Variants in ZNF385B observed in about 807,000 individuals in gnomAD.
ZNF385B encodes the protein zinc finger protein 533.
In ZNF385B, 23 loss-of-function variants were observed where a neutral mutation model predicts 39.2. That is an observed-to-expected ratio of 0.59 (90% CI 0.42 to 0.83). The LOEUF is 0.83. ZNF385B is among the 40% of genes least tolerant of loss of function. ZNF385B has a pLI of 0.00. For missense variants in ZNF385B, 552 were observed against 598.9 expected, an observed-to-expected ratio of 0.92 and a Z score of 0.82; for synonymous variants, 205 against 222.6, an observed-to-expected ratio of 0.92 and a Z score of 0.70.
intron 1 of ZNF385B, chr2:179,860,781 C>T: frequency 4.3e-6 from 2 of 462,986 alleles, no homozygotes; most frequent in Admixed American, 4.7e-5. Context: ...CGTCCTTTCC[C>T]CTCTCCATCC....
At position 179,442,415 on chromosome 2, in the gene ZNF385B, C is replaced by T. The variant is rs2049054543; in HGVS notation, c.*835G>A. On this transcript the variant is annotated 3_prime_UTR_variant, in exon 10 of 10. Coordinates refer to ENST00000410066, the MANE Select transcript of ZNF385B (RefSeq NM_152520.6). ...CTCTTTTTCTGTTTGTATACGTTTG[C>T]TTAGCAACACAAACCAGTGAGGAAG... 3 of 152,542 alleles carry T rather than the reference C, an allele frequency of 2.0e-5. No homozygotes were observed. Among genetic ancestry groups the T allele is most frequent in the Admixed American group, 2.0e-4 (3 of 15,278 alleles). The allele number at this position is 152,542 out of a possible 1,614,324, so 9.4% of individuals were successfully genotyped here.
chr2:179,638,609 A>G (rs147278169), intron 3 of ZNF385B, among the ~76,000 whole-genome samples: 71 of 152,300 alleles, frequency 4.7e-4, no homozygotes, highest in African/African-American at 1.7e-3. Context: ...CCATATGGCT[A>G]TAATACTGCT....
At chr2:179,542,267 G>A (rs1262653938) in intron 4 of ZNF385B, among the ~76,000 whole-genome samples, 1 of 152,140 alleles carries the variant, frequency 6.6e-6, no homozygotes, top group Non-Finnish European at 1.5e-5. Context: ...TTTATTTCCT[G>A]CAAGATGATA....
intron 1 of ZNF385B, among the ~76,000 whole-genome samples, chr2:179,801,103 T>C (rs1377121909): frequency 6.6e-6 from 1 of 152,074 alleles, no homozygotes; most frequent in Non-Finnish European, 1.5e-5. Context: ...GTCTATTTCT[T>C]GCTAGGTGCT....
At chr2:179,767,210 C>G (rs908561937) in intron 3 of ZNF385B, among the ~76,000 whole-genome samples, 15 of 152,162 alleles carry the variant, frequency 9.9e-5, no homozygotes, top group African/African-American at 3.6e-4. Context: ...TCTGGGGGAT[C>G]CCTTCATCCA....
intron 4 of ZNF385B, 104 bp downstream of exon 4, chr2:179,544,723 C>T (rs749355865): frequency 3.5e-6 from 5 of 1,442,860 alleles, no homozygotes; most frequent in Non-Finnish European, 3.9e-6. Flanking sequence ...AATATATGGT[C>T]TAAAATTACA....
At chr2:179,708,692 G>A (rs1699791434) in intron 3 of ZNF385B, among the ~76,000 whole-genome samples, 1 of 152,220 alleles carries the variant, frequency 6.6e-6, no homozygotes, top group South Asian at 2.1e-4. Flanking sequence ...TTAGGATGGT[G>A]AAGCATGGGA....
At chr2:179,717,898 A>G (rs1234739662) in intron 3 of ZNF385B, among the ~76,000 whole-genome samples, 1 of 139,320 alleles carries the variant, frequency 7.2e-6, no homozygotes, top group Non-Finnish European at 1.6e-5. Context: ...TTATTACATC[A>G]TATGTTGTTT....
chr2:179,766,707 C>T (rs1456149923), intron 3 of ZNF385B, among the ~76,000 whole-genome samples: 2 of 152,108 alleles, frequency 1.3e-5, no homozygotes, highest in African/African-American at 2.4e-5. Context: ...AACTTAATTA[C>T]CTCTGTAAAG....
chr2:179,643,853 T>C (rs905369831), intron 3 of ZNF385B, among the ~76,000 whole-genome samples: 7 of 152,148 alleles, frequency 4.6e-5, no homozygotes, highest in African/African-American at 1.7e-4. Context: ...TCAAAAAAGT[T>C]CATTTTATTG....
intron 3 of ZNF385B, among the ~76,000 whole-genome samples, chr2:179,579,273 T>G (rs1335538104): frequency 6.6e-6 from 1 of 152,160 alleles, no homozygotes; most frequent in Admixed American, 6.6e-5. Flanking sequence ...TTCCTTAATA[T>G]TTCTTTAATC....
chr2:179,713,412 C>T (rs924006782), intron 3 of ZNF385B, among the ~76,000 whole-genome samples: 2 of 152,112 alleles, frequency 1.3e-5, no homozygotes, highest in African/African-American at 4.8e-5. Context: ...CCTTAGAATG[C>T]GTATTTCTTT....
intron 1 of ZNF385B, among the ~76,000 whole-genome samples, chr2:179,792,231 T>C (rs1018493129): frequency 6.6e-6 from 1 of 152,182 alleles, no homozygotes; most frequent in African/African-American, 2.4e-5. Context: ...CTGCTTCTTA[T>C]TCTTAATAAA....
chr2:179,609,931 G>T (rs1181967387), intron 3 of ZNF385B, among the ~76,000 whole-genome samples: 1 of 152,092 alleles, frequency 6.6e-6, no homozygotes, highest in Non-Finnish European at 1.5e-5. Context: ...CTATAGAATT[G>T]CTTGAGTTCC....
chr2:179,502,491 G>T (rs574214201), intron 5 of ZNF385B, among the ~76,000 whole-genome samples: 3 of 152,234 alleles, frequency 2.0e-5, no homozygotes, highest in South Asian at 4.1e-4. Flanking sequence ...GTTCTCATGA[G>T]ATCTGGTTGT....
At chr2:179,774,270 T>C (rs577932330) in intron 1 of ZNF385B, among the ~76,000 whole-genome samples, 6 of 151,890 alleles carry the variant, frequency 4.0e-5, no homozygotes, top group Admixed American at 1.3e-4. Context: ...GTGTGTGGTA[T>C]ATGTGGCATG....
At chr2:179,828,015 T>C (rs165379) in intron 1 of ZNF385B, among the ~76,000 whole-genome samples, 70,154 of 152,000 alleles carry the variant, frequency 0.46, 16,833 homozygotes, top group African/African-American at 0.56. Flanking sequence ...TAACTGTAAA[T>C]TATTTGTTTT....
chr2:179,647,466 A>T (rs531871684), intron 3 of ZNF385B, among the ~76,000 whole-genome samples: 7 of 152,154 alleles, frequency 4.6e-5, no homozygotes, highest in Admixed American at 3.9e-4. Context: ...CCTGGTCCTG[A>T]GTCTGACCAG....
rs186042090 is a variant in ZNF385B, at chr2:179,716,719, G to T, written c.298+52784C>A. ...GGCAGTGAATGTCTTTCTGAGGCTA[G>T]GTCATTAAAGGTGATGAAGCTGAGA... is the stretch of plus-strand genomic sequence containing the variant. On this transcript the variant is annotated intron_variant, in intron 3 of 9. Transcript: ENST00000410066. Among the ~76,000 whole-genome samples, 571 of 152,232 alleles carry T rather than the reference G, an allele frequency of 3.8e-3. 3 individuals carry two copies. The highest frequency in any genetic ancestry group is 0.018 in the South Asian group (88 of 4,824).
Sources: gnomAD v4.1 joint callset for allele counts (sites outside exome capture counted in the v4.1 genomes callset) on GRCh38, gnomAD v4.1.1 for gene constraint, MANE v1.5 for transcripts, NCBI Gene and HGNC (gene_info 2026-07-23, HGNC 2026-07-21) for gene names.